Variants in ASIC2 observed in about 807,000 individuals in gnomAD.
The protein encoded by ASIC2 is acid sensing ion channel subunit 2, also known as acid-sensing ion channel 2.
In ASIC2, 25 loss-of-function variants were observed where a neutral mutation model predicts 57.3. The ratio of observed to expected loss-of-function variants is 0.44; its 90% CI spans 0.32 to 0.61. The LOEUF (loss-of-function observed/expected upper bound fraction) is 0.61. Ranked by LOEUF, ASIC2 falls within the 20% of genes least tolerant of loss-of-function variation. The pLI is 0.06. For missense variants in ASIC2, 641 were observed against 738.1 expected (o/e 0.87, Z 1.52); for synonymous variants, 319 against 307.5 (o/e 1.04, Z -0.39).
chr17:33,953,007 T>C (rs1323739781), intron 1 of ASIC2, among the ~76,000 whole-genome samples: 1 of 152,216 alleles, frequency 6.6e-6, no homozygotes, highest in Non-Finnish European at 1.5e-5. Context: ...TTTTTGTATT[T>C]AAAATGACTA....
chr17:33,966,916 C>A (rs191266284), intron 1 of ASIC2, among the ~76,000 whole-genome samples: 1 of 152,286 alleles, frequency 6.6e-6, no homozygotes, highest in East Asian at 1.9e-4. Context: ...CCCCCGCACC[C>A]ACCCCAGTCT....
At chr17:33,413,350 C>G (rs945462091) in intron 1 of ASIC2, among the ~76,000 whole-genome samples, 1 of 152,216 alleles carries the variant, frequency 6.6e-6, no homozygotes, top group Non-Finnish European at 1.5e-5. Flanking sequence ...GCCATTAGCA[C>G]CAATGAGTAA....
intron 1 of ASIC2, among the ~76,000 whole-genome samples, chr17:33,753,987 G>A (rs1035293074): frequency 6.6e-6 from 1 of 152,134 alleles, no homozygotes; most frequent in African/African-American, 2.4e-5. Flanking sequence ...AGCGTACATA[G>A]GAACACTCTA....
chr17:33,968,422 A>G (rs909966598), intron 1 of ASIC2, among the ~76,000 whole-genome samples: 5 of 152,152 alleles, frequency 3.3e-5, no homozygotes, highest in African/African-American at 1.2e-4. Flanking sequence ...AGCTGTTCCC[A>G]TCTCTGAAAG....
At chr17:33,486,022 C>T (rs1037006925) in intron 1 of ASIC2, among the ~76,000 whole-genome samples, 2 of 152,184 alleles carry the variant, frequency 1.3e-5, no homozygotes, top group African/African-American at 2.4e-5. Flanking sequence ...GCCTATAGCT[C>T]ACTGCTTCAC....
Position 33,504,468 on chromosome 17 carries a change from A to G in ASIC2, c.556-392401T>C, listed in dbSNP as rs566833849. Among the ~76,000 whole-genome samples, 6 of 152,214 alleles carry G rather than the reference A, an allele frequency of 3.9e-5. No homozygotes were observed. The South Asian group carries it at 1.2e-3, about 32-fold the overall frequency. On this transcript the variant is annotated intron_variant, in intron 1 of 9. Coordinates refer to the ASIC2 transcript ENST00000359872. Reference sequence around the variant, plus strand: ...ATTCTCGTGCCTCAGCCTCCCATTTAGCTGGGATTACGGGTGCGCCACCAC... The same window carrying G: ...ATTCTCGTGCCTCAGCCTCCCATTTGGCTGGGATTACGGGTGCGCCACCAC...
Position 33,088,129 on chromosome 17 carries a change from C to T in ASIC2, c.987+734G>A, listed in dbSNP as rs544246013. On this transcript the variant is annotated intron_variant, in intron 3 of 9. Transcript: ENST00000225823. ...CTTAGATGATCTGGTTTAGGATTCC[C>T]TCCCAGTCACTGTCTCTCCAGTTTT... is the stretch of plus-strand genomic sequence containing the variant. Among the ~76,000 whole-genome samples the T allele has an allele frequency of 2.0e-5, 3 of 152,282 alleles. No homozygotes were observed. The East Asian group carries it at 5.8e-4, about 29-fold the overall frequency.
intron 1 of ASIC2, among the ~76,000 whole-genome samples, chr17:33,997,503 C>T (rs932000022): frequency 6.6e-6 from 1 of 151,758 alleles, no homozygotes; most frequent in Non-Finnish European, 1.5e-5. Context: ...TACAATGCTA[C>T]CTGTGGGCTT....
At chr17:33,425,949 G>A (rs1304750281) in intron 1 of ASIC2, among the ~76,000 whole-genome samples, 1 of 152,112 alleles carries the variant, frequency 6.6e-6, no homozygotes, top group Non-Finnish European at 1.5e-5. Flanking sequence ...CTGTAGGGGT[G>A]GAAGGTGAAG....
intron 1 of ASIC2, chr17:34,070,971 G>A (rs1290376176): frequency 6.6e-6 from 1 of 152,192 alleles, no homozygotes; most frequent in African/African-American, 2.4e-5. Context: ...TCCAAAACAT[G>A]CCCCTCTAAT....
chr17:33,295,801 A>T (rs1905698368), upstream of ASIC2, among the ~76,000 whole-genome samples: 2 of 152,172 alleles, frequency 1.3e-5, no homozygotes. Context: ...AATAAATGTT[A>T]TTTAATTTCT....
intron 1 of ASIC2, among the ~76,000 whole-genome samples, chr17:33,762,738 A>T (rs1910823281): frequency 6.6e-6 from 1 of 152,152 alleles, no homozygotes; most frequent in Admixed American, 6.5e-5. Context: ...GGGCTCAAAG[A>T]TACTGTATTT....
chr17:34,044,681 G>A (rs1388227239), intron 1 of ASIC2, among the ~76,000 whole-genome samples: 1 of 152,152 alleles, frequency 6.6e-6, no homozygotes, highest in African/African-American at 2.4e-5. Context: ...AGTCCTCAGA[G>A]GATGTGGCCT....
intron 1 of ASIC2, among the ~76,000 whole-genome samples, chr17:33,931,679 G>A (rs1458488801): frequency 6.6e-6 from 1 of 152,168 alleles, no homozygotes; most frequent in Non-Finnish European, 1.5e-5. Context: ...TGTCAACTGG[G>A]AGTGTTCTCA....
intron 1 of ASIC2, among the ~76,000 whole-genome samples, chr17:33,847,728 G>A (rs1271973113): frequency 6.6e-6 from 1 of 152,182 alleles, no homozygotes; most frequent in African/African-American, 2.4e-5. Flanking sequence ...TAGTCTAGAG[G>A]AAGAGGCAGA....
chr17:33,656,573 G>A (rs1211961854), intron 1 of ASIC2, among the ~76,000 whole-genome samples: 1 of 152,116 alleles, frequency 6.6e-6, no homozygotes, highest in Non-Finnish European at 1.5e-5. Context: ...CTGCTCTGAG[G>A]CTTTCCATAT....
intron 1 of ASIC2, among the ~76,000 whole-genome samples, chr17:33,410,909 C>T (rs77544354): frequency 0.11 from 17,058 of 152,098 alleles, 1,048 homozygotes; most frequent in Non-Finnish European, 0.14. Flanking sequence ...TGCCAGTAGA[C>T]GCTTATTGGA....
chr17:34,143,004 C>T (rs1339023538), intron 1 of ASIC2: 1 of 152,196 alleles, frequency 6.6e-6, no homozygotes, highest in East Asian at 1.9e-4. Context: ...CTTGGCACTC[C>T]ACCTGCACGT....
chr17:33,607,333 G>A (rs543357929), intron 1 of ASIC2, among the ~76,000 whole-genome samples: 13 of 152,178 alleles, frequency 8.5e-5, no homozygotes, highest in Non-Finnish European at 1.6e-4. Flanking sequence ...AGGGTGTAAG[G>A]CAGGGAGGAA....
Sources: allele counts gnomAD v4.1 joint callset (sites outside exome capture counted in the v4.1 genomes callset), GRCh38; gene constraint gnomAD v4.1.1; transcripts MANE v1.5; gene names NCBI Gene and HGNC (gene_info 2026-07-23, HGNC 2026-07-21).